The following EGFR variants were observed in gnomAD, a reference collection of about 807,000 sequenced individuals.
EGFR encodes the protein epidermal growth factor receptor.
EGFR carries 58 observed loss-of-function variants against 143.0 expected under a neutral mutation model. The observed-to-expected ratio is 0.41, with a 90% CI of 0.33 to 0.50. The LOEUF is 0.50. Among genes scored for constraint, EGFR ranks in the 20% least tolerant of loss-of-function variants. EGFR has a pLI of 0.39. For synonymous variants in EGFR, 613 were observed against 594.4 expected (o/e 1.03, Z -0.45); for missense variants, 1,307 against 1,579.0 (o/e 0.83, Z 2.92).
At chr7:55,200,727 A>C in intron 24 of EGFR, 1 of 509,154 alleles carries the variant, frequency 2.0e-6, no homozygotes, top group South Asian at 2.1e-5. Flanking sequence ...CTTTGGTGTC[A>C]GGCAGACGTG....
chr7:55,161,079 C>G (rs1045618057), intron 12 of EGFR, among the ~76,000 whole-genome samples: 1 of 152,228 alleles, frequency 6.6e-6, no homozygotes, highest in Non-Finnish European at 1.5e-5. Context: ...TCAAAACACA[C>G]CCTGTGCCCA....
At chr7:55,057,299 T>C (rs955371004) in intron 1 of EGFR, among the ~76,000 whole-genome samples, 13 of 152,242 alleles carry the variant, frequency 8.5e-5, no homozygotes, top group Non-Finnish European at 1.8e-4. Context: ...CGGGCAGTTG[T>C]GAGTAATCTC....
chr7:55,057,736 T>C (rs928788857), intron 1 of EGFR, among the ~76,000 whole-genome samples: 1 of 152,230 alleles, frequency 6.6e-6, no homozygotes, highest in African/African-American at 2.4e-5. Flanking sequence ...GAAGTTCCCA[T>C]GGTCTGTCCT....
chr7:55,066,046 G>A (rs982769142), intron 1 of EGFR, among the ~76,000 whole-genome samples: 8 of 152,124 alleles, frequency 5.3e-5, no homozygotes, highest in Admixed American at 1.3e-4. Context: ...CAGTGACTAC[G>A]TGATGAAAGT....
intron 1 of EGFR, among the ~76,000 whole-genome samples, chr7:55,103,116 A>C (rs1791920780): frequency 6.6e-6 from 1 of 152,206 alleles, no homozygotes; most frequent in African/African-American, 2.4e-5. Flanking sequence ...CAGAACTCTT[A>C]GTGCAGTTTC....
At chr7:55,170,983 C>T in intron 15 of EGFR, 192 bp from the exon 16 acceptor site, 5 of 1,451,158 alleles carry the variant, frequency 3.4e-6, no homozygotes, top group Non-Finnish European at 4.5e-6. Context: ...AAAATATTTG[C>T]TGAGTGAATG....
At chr7:55,047,848 G>A (rs1788269961) in intron 1 of EGFR, among the ~76,000 whole-genome samples, 1 of 152,156 alleles carries the variant, frequency 6.6e-6, no homozygotes, top group Non-Finnish European at 1.5e-5. Context: ...GAAGAATCAT[G>A]CAAATAAAAA....
chr7:55,202,460 AAC>A (rs1787891145), intron 26 of EGFR, 55 bp from the exon 27 acceptor site: 1 of 1,453,724 alleles, frequency 6.9e-7, no homozygotes, highest in South Asian at 1.2e-5. Context: ...GATTTTTGCA[AAC>A]ACTGAAGTTG....
intron 13 of EGFR, 70 bp from the exon 14 acceptor site, chr7:55,163,663 A>G: frequency 7.5e-7 from 1 of 1,332,486 alleles, no homozygotes; most frequent in South Asian, 1.2e-5. Context: ...TGGAATTTTG[A>G]AGAGGTGATT....
chr7:55,170,292 T>C (rs2128950390), intron 15 of EGFR: 1 of 1,614,136 alleles, frequency 6.2e-7, no homozygotes, highest in Non-Finnish European at 8.5e-7. Context: ...AATGTACTTG[T>C]CCATCTTTCT....
intron 1 of EGFR, among the ~76,000 whole-genome samples, chr7:55,072,423 C>T (rs1789885693): frequency 6.6e-6 from 1 of 152,206 alleles, no homozygotes; most frequent in Admixed American, 6.5e-5. Context: ...GAAGCAGCTG[C>T]ACCTGCATTT....
At chr7:55,179,050 G>A (rs968824280) in intron 19 of EGFR, among the ~76,000 whole-genome samples, 4 of 152,228 alleles carry the variant, frequency 2.6e-5, no homozygotes, top group African/African-American at 9.6e-5. Context: ...ATACGGGGCG[G>A]AGACTTGAGT....
rs142231053 is a variant in EGFR at position 55,201,734 on chromosome 7, G to C, written c.3115-1G>C. The C allele has an allele frequency of 1.2e-6, 2 of 1,614,198 alleles. No individual in the cohort carries two copies. The highest frequency in any genetic ancestry group is 1.7e-6 in the Non-Finnish European group (2 of 1,180,038). On this transcript the variant is annotated splice_acceptor_variant, in intron 25 of 27. Transcript: ENST00000275493. LOFTEE classifies it high-confidence loss of function. The stretch of plus-strand genomic sequence containing the variant: ...GGGCAACTTCTCTGTTTCTTTTTCA[G>C]AGTGCAACCAGCAACAATTCCACCG...
chr7:55,077,775 T>C (rs1019629563), intron 1 of EGFR, among the ~76,000 whole-genome samples: 1 of 151,944 alleles, frequency 6.6e-6, no homozygotes, highest in Non-Finnish European at 1.5e-5. Flanking sequence ...GGGGAAAAAA[T>C]GGGTTAAATG....
chr7:55,114,184 T>G (rs1317291547), intron 1 of EGFR, among the ~76,000 whole-genome samples: 1 of 152,244 alleles, frequency 6.6e-6, no homozygotes, highest in Non-Finnish European at 1.5e-5. Flanking sequence ...TATTAATATA[T>G]TAGTGTGTGT....
At chr7:55,024,565 A>C (rs191607813) in intron 1 of EGFR, among the ~76,000 whole-genome samples, 14 of 152,326 alleles carry the variant, frequency 9.2e-5, no homozygotes, top group African/African-American at 3.4e-4. Context: ...CTGCAATTAC[A>C]CCATTACTAG....
chr7:55,159,907 A>G (rs954292404), intron 11 of EGFR, among the ~76,000 whole-genome samples: 1 of 152,206 alleles, frequency 6.6e-6, no homozygotes, highest in African/African-American at 2.4e-5. Flanking sequence ...CATCCTCCCC[A>G]TCTGCCACTG....
intron 1 of EGFR, among the ~76,000 whole-genome samples, chr7:55,124,435 G>T (rs927220300): frequency 1.2e-4 from 19 of 152,170 alleles, no homozygotes; most frequent in African/African-American, 4.6e-4. Flanking sequence ...ACAAATTTAA[G>T]CTCTAAAATC....
rs1259479642 is a variant in EGFR at position 55,174,766 on chromosome 7, T to A, written c.2229T>A (p.Ala743=). ...GTGAGAAAGTTAAAATTCCCGTCGC[T>A]ATCAAGGAATTAAGAGAAGCAACAT... ...PEGEKVKIPV[A]IKELREATSP... The change falls in exon 19 of 28, where the codon GCT becomes GCA. Residue 743 remains alanine, a synonymous_variant. Transcript: ENST00000275493. The A allele has an allele frequency of 1.9e-6, 3 of 1,614,106 alleles. No individual in the cohort carries two copies. The highest frequency in any genetic ancestry group is 2.5e-6 in the Non-Finnish European group (3 of 1,179,972).
Sources: gnomAD v4.1 joint callset for allele counts (sites outside exome capture counted in the v4.1 genomes callset) on GRCh38, gnomAD v4.1.1 for gene constraint, MANE v1.5 for transcripts, NCBI Gene and HGNC (gene_info 2026-07-23, HGNC 2026-07-21) for gene names.